RGS17: variants seen among roughly 807,000 people sequenced by gnomAD.
RGS17 encodes the protein regulator of G-protein signaling 17.
Under a neutral mutation model 25.5 loss-of-function variants are expected in RGS17, and 12 were observed. The observed-to-expected ratio is 0.47, with a 90% CI of 0.30 to 0.76. The LOEUF is 0.76. RGS17 is among the 30% of genes least tolerant of loss of function. The pLI, the probability that RGS17 is intolerant of heterozygous loss-of-function variation, is 0.07. For missense variants in RGS17, 196 were observed against 242.2 expected (o/e 0.81, Z 1.27); for synonymous variants, 71 against 76.9 (o/e 0.92, Z 0.40).
At chr6:153,085,346 C>A (rs1777038049) in intron 1 of RGS17, among the ~76,000 whole-genome samples, 1 of 152,126 alleles carries the variant, frequency 6.6e-6, no homozygotes, top group African/African-American at 2.4e-5. Flanking sequence ...CAGAGAAGAC[C>A]AAGATACAAA....
intron 1 of RGS17, among the ~76,000 whole-genome samples, chr6:153,107,435 A>G (rs1777402296): frequency 6.6e-6 from 1 of 152,254 alleles, no homozygotes; most frequent in Admixed American, 6.5e-5. Context: ...AGTTTAATAC[A>G]AATTTAACAA....
chr6:153,100,795 T>C (rs990903609), intron 1 of RGS17, among the ~76,000 whole-genome samples: 1 of 152,200 alleles, frequency 6.6e-6, no homozygotes, highest in Non-Finnish European at 1.5e-5. Context: ...TAAATGAAGG[T>C]GTAAACAGAC....
At chr6:153,104,571 A>T (rs1341452317) in intron 1 of RGS17, among the ~76,000 whole-genome samples, 1 of 152,260 alleles carries the variant, frequency 6.6e-6, no homozygotes, top group Non-Finnish European at 1.5e-5. Context: ...TGTCAGACGG[A>T]TTCATTAATT....
intron 1 of RGS17, among the ~76,000 whole-genome samples, chr6:153,107,948 C>T (rs1219388284): frequency 6.6e-6 from 1 of 152,124 alleles, no homozygotes; most frequent in African/African-American, 2.4e-5. Flanking sequence ...GTGTATATGT[C>T]ATTTAAAAAA....
chr6:153,114,778 T>C (rs542200773), intron 1 of RGS17, among the ~76,000 whole-genome samples: 2 of 152,218 alleles, frequency 1.3e-5, no homozygotes, highest in African/African-American at 2.4e-5. Context: ...GTTCAACATA[T>C]GGAAATCAAT....
chr6:153,060,739 G>A (rs535884209), intron 1 of RGS17, among the ~76,000 whole-genome samples: 10 of 150,570 alleles, frequency 6.6e-5, no homozygotes, highest in Admixed American at 4.6e-4. Context: ...TTAAAATGTC[G>A]GTGCCTACTA....
chr6:153,070,656 C>T (rs1776775703), intron 1 of RGS17, among the ~76,000 whole-genome samples: 1 of 140,606 alleles, frequency 7.1e-6, no homozygotes, highest in South Asian at 2.3e-4. Context: ...AGCCATCCCT[C>T]AGTACCACAT....
chr6:153,045,931 A>C (rs1206610961), intron 1 of RGS17, among the ~76,000 whole-genome samples: 1 of 152,224 alleles, frequency 6.6e-6, no homozygotes, highest in East Asian at 1.9e-4. Flanking sequence ...CAAGATATGG[A>C]ATCAACCAAG....
intron 4 of RGS17, among the ~76,000 whole-genome samples, chr6:153,016,224 T>G (rs1188053594): frequency 6.6e-6 from 1 of 152,260 alleles, no homozygotes; most frequent in Non-Finnish European, 1.5e-5. Flanking sequence ...CAGAATATTT[T>G]TCCCCAACGT....
rs1554238284 is a variant in RGS17 at position 153,054,098 on chromosome 6, A to ATATGTGTG, written c.-25-10056_-25-10055insCACACATA. Reference sequence around the variant, plus strand: ...TATATACACACAATATTTTTTATATATATATATATATATATGTGTATATAT... The same window carrying ATATGTGTG: ...TATATACACACAATATTTTTTATATATATGTGTGTATATATATATATATGTGTATATAT... On this transcript the variant is annotated intron_variant, in intron 1 of 4. Transcript: ENST00000206262. 5.5e-4 allele frequency among the ~76,000 whole-genome samples: 49 copies of ATATGTGTG among 88,738 alleles called. 2 individuals are homozygous for ATATGTGTG. The highest frequency in any genetic ancestry group is 1.9e-3 in the African/African-American group (39 of 20,984). 58.2% of individuals were successfully genotyped at this position (88,738 alleles called of 152,430 possible). A position where few individuals can be genotyped will look rare whatever the true frequency, so the allele number is the denominator to read the frequency against.
rs1242249684 is a variant in RGS17, at chr6:153,005,824, G to C, written c.*5750C>G. On this transcript the variant is annotated 3_prime_UTR_variant, in exon 5 of 5. Coordinates refer to ENST00000206262, the MANE Select transcript of RGS17 (RefSeq NM_012419.5). The stretch of plus-strand genomic sequence containing the variant: ...AAATGTAATGTGGTATCCTGAATGG[G>C]ATCCTGGGACAGAAAAAGGACATTA... The C allele has an allele frequency of 1.3e-5, 2 of 152,196 alleles. No individual in the cohort carries two copies. Among genetic ancestry groups the C allele is most frequent in the African/African-American group, 4.8e-5 (2 of 41,430 alleles). The allele number at this position is 152,196 out of a possible 1,614,324, so 9.4% of individuals were successfully genotyped here.
Position 153,130,884 on chromosome 6 carries a change from C to T in RGS17, c.-26+240G>A, listed in dbSNP as rs1045603412. On this transcript the variant is annotated intron_variant, in intron 1 of 4. Coordinates refer to ENST00000206262, the MANE Select transcript of RGS17 (RefSeq NM_012419.5). This position sits in a 1 kb window ranked among gnomAD's most constrained non-coding sequence, Gnocchi z 6.4. Reference sequence around the variant, plus strand: ...CGGCGAGCGGACCGCGTCCAGGCAGCGACGCGGGATTCAACTTCCCGGACC... The same window carrying T: ...CGGCGAGCGGACCGCGTCCAGGCAGTGACGCGGGATTCAACTTCCCGGACC... Among the ~76,000 whole-genome samples the T allele has an allele frequency of 1.3e-5, 2 of 151,852 alleles. No individual in the cohort carries two copies. The highest frequency in any genetic ancestry group is 2.9e-5 in the Non-Finnish European group (2 of 67,916).
intron 1 of RGS17, among the ~76,000 whole-genome samples, chr6:153,120,127 C>T (rs967629051): frequency 2.6e-5 from 4 of 152,200 alleles, no homozygotes; most frequent in Admixed American, 2.6e-4. Flanking sequence ...CAGAATAGAA[C>T]GTAACGATTG....
chr6:153,036,351 C>T (rs1032262125), intron 2 of RGS17, among the ~76,000 whole-genome samples: 1 of 152,146 alleles, frequency 6.6e-6, no homozygotes, highest in Admixed American at 6.5e-5. Context: ...CTGTGCCCGG[C>T]CCCCTTGCTG....
chr6:153,102,695 C>A (rs1252172022), intron 1 of RGS17, among the ~76,000 whole-genome samples: 1 of 152,170 alleles, frequency 6.6e-6, no homozygotes, highest in East Asian at 1.9e-4. Context: ...GAGGCCTGGC[C>A]TATGTGGGCA....
chr6:153,020,100 T>TAAAA (rs57320874), intron 4 of RGS17, among the ~76,000 whole-genome samples: 752 of 45,072 alleles, frequency 0.017, 46 homozygotes, highest in Non-Finnish European at 0.024. Context: ...GCAAATATCT[T>TAAAA]AAAAAAAAAA....
At chr6:153,051,545 C>A (rs891336072) in intron 1 of RGS17, among the ~76,000 whole-genome samples, 1 of 152,140 alleles carries the variant, frequency 6.6e-6, no homozygotes, top group Non-Finnish European at 1.5e-5. Context: ...TGTTATTAAG[C>A]GGCCAACAAC....
At chr6:153,091,888 G>A (rs1777138321) in intron 1 of RGS17, among the ~76,000 whole-genome samples, 3 of 152,214 alleles carry the variant, frequency 2.0e-5, no homozygotes, top group South Asian at 2.1e-4. Context: ...CTGTAAATCT[G>A]GGGAAATGAA....
At chr6:153,053,784 C>G (rs1160428901) in intron 1 of RGS17, among the ~76,000 whole-genome samples, 1 of 148,898 alleles carries the variant, frequency 6.7e-6, no homozygotes, top group African/African-American at 2.5e-5. Flanking sequence ...AAAGCAAGAG[C>G]CTGTCTCAAA....
Sources: allele counts gnomAD v4.1 joint callset (sites outside exome capture counted in the v4.1 genomes callset), GRCh38; gene constraint gnomAD v4.1.1; non-coding constraint Gnocchi (gnomAD v3.1); transcripts MANE v1.5; gene names NCBI Gene and HGNC (gene_info 2026-07-23, HGNC 2026-07-21).